Variants in PRELID2 observed in about 807,000 individuals in gnomAD.
PRELID2 encodes PRELI domain-containing protein 2.
PRELID2 carries 25 observed loss-of-function variants against 28.4 expected under a neutral mutation model. The observed-to-expected ratio is 0.88, with a 90% CI of 0.64 to 1.23. The LOEUF (loss-of-function observed/expected upper bound fraction) is 1.23. Ranked by LOEUF, PRELID2 falls within the 50% of genes most tolerant of loss-of-function variation. The pLI, the probability that PRELID2 is intolerant of heterozygous loss-of-function variation, is 0.00. For missense variants in PRELID2, 201 were observed against 214.4 expected (o/e 0.94, Z 0.39); for synonymous variants, 76 against 71.6 (o/e 1.06, Z -0.31).
At chr5:145,792,896 A>C (rs1369328822) in intron 5 of PRELID2, among the ~76,000 whole-genome samples, 2 of 152,226 alleles carry the variant, frequency 1.3e-5, no homozygotes, top group African/African-American at 2.4e-5. Flanking sequence ...ACACATTAAA[A>C]TCCCCATTTT....
intron 4 of PRELID2, among the ~76,000 whole-genome samples, chr5:145,805,616 G>A (rs1023291482): frequency 6.6e-6 from 1 of 152,074 alleles, no homozygotes; most frequent in African/African-American, 2.4e-5. Context: ...GGAAAAGGAG[G>A]ATGAAAAACA....
intron 1 of PRELID2, among the ~76,000 whole-genome samples, chr5:145,524,952 C>T (rs959251342): frequency 3.9e-5 from 6 of 152,158 alleles, no homozygotes; most frequent in South Asian, 2.1e-4. Context: ...AAGAGTTTGA[C>T]GCAAGTTAGC....
At chr5:145,272,833 T>A in the PRELID2 span, among the ~76,000 whole-genome samples, 4 of 152,112 alleles carry the variant, frequency 2.6e-5, no homozygotes, top group African/African-American at 9.7e-5. Context: ...TTCTATAAAT[T>A]TTTCGCTTAC....
chr5:145,384,864 T>C, the PRELID2 span, among the ~76,000 whole-genome samples: 2 of 152,184 alleles, frequency 1.3e-5, no homozygotes, highest in Admixed American at 6.6e-5. Context: ...ACGGTATGGT[T>C]GTAAACCATT....
At chr5:145,250,057 A>T in the PRELID2 span, among the ~76,000 whole-genome samples, 1 of 152,140 alleles carries the variant, frequency 6.6e-6, no homozygotes, top group South Asian at 2.1e-4. Flanking sequence ...TTCTTTATAG[A>T]TCTAGAATTT....
At chr5:145,643,706 A>T (rs1307759647) in intron 1 of PRELID2, among the ~76,000 whole-genome samples, 1 of 152,102 alleles carries the variant, frequency 6.6e-6, no homozygotes, top group Non-Finnish European at 1.5e-5. Context: ...TAGTTTTTTG[A>T]GAGTTTTTAG....
At chr5:145,442,394 T>C in the PRELID2 span, among the ~76,000 whole-genome samples, 1 of 152,024 alleles carries the variant, frequency 6.6e-6, no homozygotes, top group Non-Finnish European at 1.5e-5. Flanking sequence ...GCTCAAAAGA[T>C]GTCATTACAA....
intron 1 of PRELID2, among the ~76,000 whole-genome samples, chr5:145,671,841 A>G (rs1394576117): frequency 1.3e-5 from 2 of 152,206 alleles, no homozygotes; most frequent in Non-Finnish European, 2.9e-5. Context: ...CATACCAAGA[A>G]ACGCAAGTGT....
Position 145,777,678 on chromosome 5 carries a change from G to A in PRELID2, c.475-12678C>T, listed in dbSNP as rs545098542. 1.4e-3 allele frequency among the ~76,000 whole-genome samples: 212 copies of A among 152,238 alleles called. 1 individual carries two copies. Among genetic ancestry groups the A allele is most frequent in the Non-Finnish European group, 2.4e-3 (164 of 67,980 alleles). ...GCAGGTGGGAGCCCCGCCTGCCTGC[G>A]CGCAGCTACAGCCACCCAAACTGCA... On this transcript the variant is annotated intron_variant, in intron 5 of 6. Transcript: ENST00000683046.
chr5:145,626,376 T>G lies in PRELID2; in HGVS notation n.70+138555A>C, dbSNP rs141530804. Among the ~76,000 whole-genome samples the G allele has an allele frequency of 4.3e-4, 65 of 152,016 alleles. 1 individual carries two copies. The highest frequency in any genetic ancestry group is 1.5e-3 in the African/African-American group (63 of 41,530). On this transcript the variant is annotated intron_variant and non_coding_transcript_variant, in intron 1 of 2. Coordinates refer to the PRELID2 transcript ENST00000510259. ...TATTTAAAAGTGGGCAAAGAAGAGC[T>G]GTTTTTCAAAAGAAAGCATACCAGC...
At chr5:145,527,790 A>G (rs887614070) in intron 1 of PRELID2, among the ~76,000 whole-genome samples, 1 of 152,222 alleles carries the variant, frequency 6.6e-6, no homozygotes, top group African/African-American at 2.4e-5. Context: ...ATAATTTTAC[A>G]TACCTCATGG....
intron 1 of PRELID2, among the ~76,000 whole-genome samples, chr5:145,657,556 G>A (rs1378445349): frequency 6.6e-6 from 1 of 152,070 alleles, no homozygotes; most frequent in Non-Finnish European, 1.5e-5. Flanking sequence ...GTGGTGGCAC[G>A]CACCTGTGGT....
chr5:145,536,161 A>G (rs1752696207), intron 1 of PRELID2, among the ~76,000 whole-genome samples: 1 of 151,920 alleles, frequency 6.6e-6, no homozygotes, highest in Admixed American at 6.6e-5. Context: ...CTGTTAAGGG[A>G]GGCTGAGGGA....
chr5:145,737,097 G>C (rs1447923579), intron 1 of PRELID2, among the ~76,000 whole-genome samples: 1 of 152,070 alleles, frequency 6.6e-6, no homozygotes, highest in Non-Finnish European at 1.5e-5. Flanking sequence ...GAGAGAAAGA[G>C]AGACCGAGAC....
chr5:145,598,456 C>T (rs749878998), intron 1 of PRELID2, among the ~76,000 whole-genome samples: 3 of 152,110 alleles, frequency 2.0e-5, no homozygotes, highest in Admixed American at 6.6e-5. Context: ...AGCCAGCTAA[C>T]AGATGATGTT....
At chr5:145,315,304 G>A in the PRELID2 span, among the ~76,000 whole-genome samples, 1 of 151,996 alleles carries the variant, frequency 6.6e-6, no homozygotes, top group African/African-American at 2.4e-5. Flanking sequence ...TCTTGACCTC[G>A]TGATCTGCCC....
chr5:145,304,391 G>C, the PRELID2 span, among the ~76,000 whole-genome samples: 1 of 152,008 alleles, frequency 6.6e-6, no homozygotes, highest in African/African-American at 2.4e-5. Context: ...TCTCACTTTC[G>C]AGAGACATGC....
At chr5:145,623,284 C>T (rs1448063248) in intron 1 of PRELID2, among the ~76,000 whole-genome samples, 1 of 151,634 alleles carries the variant, frequency 6.6e-6, no homozygotes, top group Non-Finnish European at 1.5e-5. Context: ...CCCGTCTCTA[C>T]TAAAAATACA....
the PRELID2 span, among the ~76,000 whole-genome samples, chr5:145,385,806 C>T: frequency 6.6e-5 from 10 of 152,080 alleles, no homozygotes; most frequent in African/African-American, 2.4e-4. Flanking sequence ...AACTCAAATG[C>T]CACCTTTATG....
Sources: gnomAD v4.1 joint callset for allele counts (sites outside exome capture counted in the v4.1 genomes callset) on GRCh38, gnomAD v4.1.1 for gene constraint, MANE v1.5 for transcripts, NCBI Gene and HGNC (gene_info 2026-07-23, HGNC 2026-07-21) for gene names.